TRAPPC9: variants seen among roughly 807,000 people sequenced by gnomAD.
TRAPPC9 encodes the protein IKK2 binding protein.
In TRAPPC9, 83 loss-of-function variants were observed where a neutral mutation model predicts 124.0. The ratio of observed to expected loss-of-function variants is 0.67; its 90% confidence interval spans 0.56 to 0.80. TRAPPC9 has a LOEUF of 0.80. Ranked by LOEUF, TRAPPC9 falls within the 30% of genes least tolerant of loss-of-function variation. TRAPPC9 has a pLI of 0.00. For synonymous variants in TRAPPC9, 638 were observed against 617.5 expected (o/e 1.03, Z -0.49); for missense variants, 1,302 against 1,508.3 (o/e 0.86, Z 2.27).
intron 17 of TRAPPC9, among the ~76,000 whole-genome samples, chr8:140,032,411 C>G (rs867356131): frequency 5.9e-5 from 9 of 152,026 alleles, no homozygotes; most frequent in South Asian, 4.2e-4. Context: ...TTTCCTCCCC[C>G]CCCACCCTCC....
intron 17 of TRAPPC9, among the ~76,000 whole-genome samples, chr8:140,200,482 C>T (rs938106718): frequency 3.3e-5 from 5 of 152,080 alleles, no homozygotes; most frequent in African/African-American, 1.2e-4. Context: ...AGAAACCTGG[C>T]AAACACGACC....
rs367726931 is a variant in TRAPPC9 at position 140,277,854 on chromosome 8, T to C, written c.2115-2033A>G. Reference sequence around the variant, plus strand: ...AGAGAGAAACTCCAATGTGGGACTATGGGCAAACTGTGGGAGGTAGGAGTA... The same window carrying C: ...AGAGAGAAACTCCAATGTGGGACTACGGGCAAACTGTGGGAGGTAGGAGTA... On this transcript the variant is annotated intron_variant, in intron 14 of 22. Transcript: ENST00000438773. 2.8e-3 allele frequency among the ~76,000 whole-genome samples: 419 copies of C among 152,328 alleles called. 2 individuals are homozygous for C. The highest frequency in any genetic ancestry group is 9.4e-3 in the African/African-American group (390 of 41,570).
intron 17 of TRAPPC9, among the ~76,000 whole-genome samples, chr8:140,131,977 G>A (rs1213105735): frequency 2.0e-5 from 3 of 152,232 alleles, no homozygotes; most frequent in Admixed American, 1.3e-4. Flanking sequence ...TTTCACAGTC[G>A]GCCCCCCAAT....
intron 18 of TRAPPC9, among the ~76,000 whole-genome samples, chr8:140,021,003 A>G (rs920249438): frequency 6.6e-6 from 1 of 152,178 alleles, no homozygotes; most frequent in African/African-American, 2.4e-5. Context: ...TGCATAGTTA[A>G]TGTCAATTTC....
At chr8:140,303,776 T>C (rs2066046791) in intron 10 of TRAPPC9, among the ~76,000 whole-genome samples, 1 of 152,214 alleles carries the variant, frequency 6.6e-6, no homozygotes, top group Non-Finnish European at 1.5e-5. Context: ...CATGCTCCCA[T>C]GCTACAGAGA....
chr8:140,008,365 T>A (rs2131834172), intron 18 of TRAPPC9: 1 of 152,354 alleles, frequency 6.6e-6, no homozygotes, highest in Non-Finnish European at 1.5e-5. Flanking sequence ...CTTGGGGAGC[T>A]TCTCAAAGCA....
chr8:139,919,437 CTG>C (rs533991460), intron 19 of TRAPPC9, among the ~76,000 whole-genome samples: 159 of 152,260 alleles, frequency 1.0e-3, no homozygotes, highest in African/African-American at 3.7e-3. Context: ...TTGCACAACT[CTG>C]TGAATAAACA....
chr8:139,776,521 G>A lies in TRAPPC9; in HGVS notation c.3056-44319C>T, dbSNP rs1456262601. ...CCATTCGGCAAACGGGAGCTTCATCGCAATAGCGACTGCCTAATTAGGAAG... is the reference window on the plus strand; with the variant it reads ...CCATTCGGCAAACGGGAGCTTCATCACAATAGCGACTGCCTAATTAGGAAG... On this transcript the variant is annotated intron_variant, in intron 21 of 22. Coordinates refer to ENST00000438773, the MANE Select transcript of TRAPPC9 (RefSeq NM_001160372.4). The surrounding 1 kb of genome is among the most constrained non-coding windows in gnomAD (Gnocchi z 4.1). Among the ~76,000 whole-genome samples, 3 of 152,170 alleles carry A rather than the reference G, an allele frequency of 2.0e-5. No individual in the cohort carries two copies. Among genetic ancestry groups the A allele is most frequent in the Admixed American group, 1.3e-4 (2 of 15,286 alleles).
intron 21 of TRAPPC9, among the ~76,000 whole-genome samples, chr8:139,812,981 G>C (rs1484505366): frequency 6.6e-6 from 1 of 152,214 alleles, no homozygotes; most frequent in Non-Finnish European, 1.5e-5. Context: ...TCCACGCCTG[G>C]CCCTGACAGC....
chr8:140,369,870 T>C (rs1429176787), intron 8 of TRAPPC9, among the ~76,000 whole-genome samples: 1 of 152,100 alleles, frequency 6.6e-6, no homozygotes, highest in Non-Finnish European at 1.5e-5. Flanking sequence ...GAGAATCACT[T>C]GAACCCAGGA....
At chr8:140,419,442 A>AC (rs1228145452) in intron 5 of TRAPPC9, among the ~76,000 whole-genome samples, 67 of 141,682 alleles carry the variant, frequency 4.7e-4, no homozygotes, top group African/African-American at 1.7e-3. Flanking sequence ...AAAAAAAAAA[A>AC]AAAAAAAAAA....
At chr8:139,865,091 G>C (rs1021249596) in intron 21 of TRAPPC9, among the ~76,000 whole-genome samples, 1 of 152,082 alleles carries the variant, frequency 6.6e-6, no homozygotes, top group East Asian at 1.9e-4. Flanking sequence ...ATTAGGTGGC[G>C]GCAGAGGAAA....
intron 20 of TRAPPC9, chr8:139,904,662 G>A (rs750885823): frequency 2.0e-5 from 3 of 152,226 alleles, no homozygotes; most frequent in Admixed American, 1.3e-4. Flanking sequence ...TTTTGAAAGG[G>A]GTAGGTACTA....
chr8:139,913,595 G>A (rs2131295264), intron 19 of TRAPPC9, among the ~76,000 whole-genome samples: 1 of 152,296 alleles, frequency 6.6e-6, no homozygotes, highest in South Asian at 2.1e-4. Flanking sequence ...CCTCCAACAG[G>A]CCTGCTGCTT....
rs1829987688 is a variant in TRAPPC9 at position 139,885,963 on chromosome 8, G to A, written c.2971C>T (p.Leu991=). The change falls in exon 21 of 23, where the codon CTG becomes TTG. Residue 991 remains leucine (L), a synonymous_variant. Transcript: ENST00000438773. ...ACACTCGCCTCGCCACTGCGCTTCA[G>A]GGAGGGGTGAGCCTTGGTCAAGGAA... ...KLGICWRIPS[L]KRSGEASVEG... is the part of the protein sequence containing the mutation. The A allele has an allele frequency of 6.4e-7, 1 of 1,565,284 alleles. No homozygotes were observed. Among genetic ancestry groups the A allele is most frequent in the African/African-American group, 1.4e-5 (1 of 74,010 alleles).
At chr8:139,948,040 TG>T (rs1834377190) in intron 19 of TRAPPC9, among the ~76,000 whole-genome samples, 1 of 150,852 alleles carries the variant, frequency 6.6e-6, no homozygotes, top group East Asian at 1.9e-4. Context: ...TGCATGGCCG[TG>T]GGAACATTAC....
chr8:139,975,693 C>T (rs1836394620), intron 19 of TRAPPC9, among the ~76,000 whole-genome samples: 1 of 152,134 alleles, frequency 6.6e-6, no homozygotes, highest in African/African-American at 2.4e-5. Flanking sequence ...ACATTAGCAC[C>T]GAGCATCAGC....
intron 21 of TRAPPC9, among the ~76,000 whole-genome samples, chr8:139,815,994 T>C (rs1586908190): frequency 6.6e-6 from 1 of 152,172 alleles, no homozygotes; most frequent in African/African-American, 2.4e-5. Flanking sequence ...GGAGCCAGGC[T>C]GGGGACCGGG....
chr8:140,457,951 T>G (rs1169602260), upstream of TRAPPC9, among the ~76,000 whole-genome samples: 307 of 22,156 alleles, frequency 0.014, no homozygotes, highest in Middle Eastern at 0.031. Context: ...GAGAAAAAGG[T>G]GGGGTGAAAG....
Sources: allele counts gnomAD v4.1 joint callset (sites outside exome capture counted in the v4.1 genomes callset), GRCh38; gene constraint gnomAD v4.1.1; non-coding constraint Gnocchi (gnomAD v3.1); transcripts MANE v1.5; gene names NCBI Gene and HGNC (gene_info 2026-07-23, HGNC 2026-07-21).